Variants in TBL1XR1 observed in about 807,000 individuals in gnomAD.
TBL1XR1 encodes the protein TBL1X/Y related 1, also known as F-box-like/WD repeat-containing protein TBL1XR1.
A neutral mutation model predicts 66.9 loss-of-function variants in TBL1XR1; 5 were observed. That is an observed-to-expected ratio of 0.07 (90% CI 0.04 to 0.16). TBL1XR1 has a LOEUF of 0.16. TBL1XR1 is among the 10% of genes least tolerant of loss of function. TBL1XR1 has a pLI of 1.00. For missense variants in TBL1XR1, 238 were observed against 623.2 expected, an observed-to-expected ratio of 0.38 and a Z score of 6.58; for synonymous variants, 210 against 206.0, an observed-to-expected ratio of 1.02 and a Z score of -0.17.
chr3:177,190,018 A>T (rs1043831270), intron 1 of TBL1XR1, among the ~76,000 whole-genome samples: 16 of 151,680 alleles, frequency 1.1e-4, no homozygotes, highest in African/African-American at 3.6e-4. Context: ...CTGTAATCCC[A>T]GCTACTGGGG....
At chr3:177,147,784 G>C in intron 1 of TBL1XR1, among the ~76,000 whole-genome samples, 1 of 152,152 alleles carries the variant, frequency 6.6e-6, no homozygotes, top group East Asian at 1.9e-4. Context: ...GGCCATTCCT[G>C]ATGTCCACAG....
intron 2 of TBL1XR1, among the ~76,000 whole-genome samples, chr3:177,083,000 C>G (rs1461007732): frequency 1.3e-5 from 2 of 151,552 alleles, no homozygotes; most frequent in Admixed American, 1.3e-4. Flanking sequence ...CCTCGTGATC[C>G]ATCCGTCTCG....
chr3:177,192,519 C>T (rs942930167), intron 1 of TBL1XR1, among the ~76,000 whole-genome samples: 10 of 143,078 alleles, frequency 7.0e-5, no homozygotes, highest in African/African-American at 2.1e-4. Context: ...GATCCACCAC[C>T]GTACCTACAC....
At chr3:177,037,819 TTC>T in intron 12 of TBL1XR1, 1 of 269,796 alleles carries the variant, frequency 3.7e-6, no homozygotes, top group Admixed American at 5.1e-5. Context: ...TTCTTATTGG[TTC>T]TGTTTCTCTG....
intron 1 of TBL1XR1, among the ~76,000 whole-genome samples, chr3:177,189,065 G>T (rs763238003): frequency 6.6e-6 from 1 of 151,544 alleles, no homozygotes; most frequent in African/African-American, 2.4e-5. Context: ...AAAATTAGCC[G>T]GGCATGGTGG....
chr3:177,129,064 T>C lies in TBL1XR1; in HGVS notation c.-121-30523A>G, dbSNP rs541397070. ...TTTTGCACTTTAATCTTTGATGACA[T>C]TAAAGTGTAATCTAAGGGCTATGGG... On this transcript the variant is annotated intron_variant, in intron 1 of 15. Transcript: ENST00000457928. 4.6e-5 allele frequency among the ~76,000 whole-genome samples: 7 copies of C among 152,284 alleles called. No homozygotes were observed. The East Asian group carries it at 1.2e-3, about 25-fold the overall frequency.
intron 2 of TBL1XR1, among the ~76,000 whole-genome samples, chr3:177,091,945 A>G (rs1722889438): frequency 6.6e-6 from 1 of 152,190 alleles, no homozygotes; most frequent in South Asian, 2.1e-4. Context: ...CCTCATGGAA[A>G]TAATGGTTCT....
chr3:177,184,104 T>G (rs138880598), intron 1 of TBL1XR1, among the ~76,000 whole-genome samples: 4 of 152,224 alleles, frequency 2.6e-5, no homozygotes, highest in Non-Finnish European at 4.4e-5. Context: ...CCAGTTGAAG[T>G]TGAAAATGAG....
chr3:177,149,723 G>A lies in TBL1XR1; in HGVS notation c.-122+47398C>T, dbSNP rs138074055. On this transcript the variant is annotated intron_variant, in intron 1 of 15. Coordinates refer to ENST00000457928, the MANE Select transcript of TBL1XR1 (RefSeq NM_024665.7). ...ACATTTCTAAATGGTTGGGGGGGCC[G>A]GAGGGGGACACAACGCGACTGTGAA... Among the ~76,000 whole-genome samples, 10 of 152,228 alleles carry A rather than the reference G, an allele frequency of 6.6e-5. No homozygotes were observed. The East Asian group carries it at 1.2e-3, about 18-fold the overall frequency.
intron 2 of TBL1XR1, among the ~76,000 whole-genome samples, chr3:177,096,361 T>C (rs1384766180): frequency 1.2e-5 from 1 of 86,916 alleles, no homozygotes; most frequent in Non-Finnish European, 2.6e-5. Flanking sequence ...CACTTAAATT[T>C]CTGTGATCAT....
intron 7 of TBL1XR1, among the ~76,000 whole-genome samples, chr3:177,048,654 C>A (rs1716636355): frequency 6.6e-6 from 1 of 152,174 alleles, no homozygotes; most frequent in Non-Finnish European, 1.5e-5. Context: ...TGTTTTAGTT[C>A]ATGAACTGCT....
chr3:177,041,967 A>G (rs1335020305), intron 10 of TBL1XR1, among the ~76,000 whole-genome samples: 1 of 151,958 alleles, frequency 6.6e-6, no homozygotes, highest in African/African-American at 2.4e-5. Context: ...AGAGTCTTAG[A>G]CTTCCTTCAA....
intron 1 of TBL1XR1, among the ~76,000 whole-genome samples, chr3:177,164,873 T>A (rs911501159): frequency 6.6e-6 from 1 of 152,208 alleles, no homozygotes; most frequent in Non-Finnish European, 1.5e-5. Context: ...CCCTAAAAAT[T>A]TCAAATACTC....
intron 1 of TBL1XR1, among the ~76,000 whole-genome samples, chr3:177,144,593 G>GAA (rs1208692791): frequency 6.8e-6 from 1 of 146,614 alleles, no homozygotes; most frequent in Admixed American, 6.8e-5. Flanking sequence ...CTCTACTTTA[G>GAA]AAAAAAAAAA....
intron 1 of TBL1XR1, among the ~76,000 whole-genome samples, chr3:177,118,117 T>C (rs1726534284): frequency 6.6e-6 from 1 of 152,188 alleles, no homozygotes; most frequent in Non-Finnish European, 1.5e-5. Flanking sequence ...TCAGGACATA[T>C]TAGTAGAAAG....
At chr3:177,099,952 A>G (rs1238331250) in intron 1 of TBL1XR1, among the ~76,000 whole-genome samples, 1 of 152,278 alleles carries the variant, frequency 6.6e-6, no homozygotes, top group African/African-American at 2.4e-5. Flanking sequence ...TTTAAAACAC[A>G]TACAAGAAGT....
chr3:177,164,207 C>A (rs989776281), intron 1 of TBL1XR1, among the ~76,000 whole-genome samples: 1 of 152,156 alleles, frequency 6.6e-6, no homozygotes, highest in African/African-American at 2.4e-5. Context: ...TTAGGACTCC[C>A]TGACTTGACA....
At chr3:177,142,983 T>C (rs1346495964) in intron 1 of TBL1XR1, among the ~76,000 whole-genome samples, 2 of 151,952 alleles carry the variant, frequency 1.3e-5, no homozygotes, top group Non-Finnish European at 2.9e-5. Flanking sequence ...GGGTGGTCTA[T>C]TTAGTGCCAC....
intron 1 of TBL1XR1, among the ~76,000 whole-genome samples, chr3:177,175,893 C>T (rs1231162487): frequency 6.6e-6 from 1 of 151,662 alleles, no homozygotes; most frequent in Non-Finnish European, 1.5e-5. Context: ...CCCATCTCTA[C>T]TAAAAATACA....
Sources: gnomAD v4.1 joint callset for allele counts (sites outside exome capture counted in the v4.1 genomes callset) on GRCh38, gnomAD v4.1.1 for gene constraint, MANE v1.5 for transcripts, NCBI Gene and HGNC (gene_info 2026-07-23, HGNC 2026-07-21) for gene names.